The following CMSS1 variants were observed in gnomAD, a reference collection of about 807,000 sequenced individuals.
CMSS1 encodes protein CMSS1.
CMSS1 carries 33 observed loss-of-function variants against 43.5 expected under a neutral mutation model. That is an observed-to-expected ratio of 0.76 (90% CI 0.57 to 1.01). The LOEUF (loss-of-function observed/expected upper bound fraction) is 1.01. CMSS1 is among the 50% of genes least tolerant of loss of function. CMSS1 has a pLI of 0.00. For synonymous variants in CMSS1, 115 were observed against 117.2 expected, an observed-to-expected ratio of 0.98 and a Z score of 0.12; for missense variants, 313 against 326.4, an observed-to-expected ratio of 0.96 and a Z score of 0.32.
chr3:99,942,677 T>A (rs564896558), intron 1 of CMSS1, among the ~76,000 whole-genome samples: 17 of 151,806 alleles, frequency 1.1e-4, no homozygotes, highest in Non-Finnish European at 2.1e-4. Context: ...ACTAAAAATA[T>A]AACTAGCCGG....
chr3:100,058,588 T>C (rs2065505412), intron 1 of CMSS1, among the ~76,000 whole-genome samples: 2 of 152,170 alleles, frequency 1.3e-5, no homozygotes, highest in African/African-American at 2.4e-5. Context: ...ACAAATCCCC[T>C]TGGTGGACAA....
chr3:100,110,185 G>A (rs2066467132), intron 1 of CMSS1, among the ~76,000 whole-genome samples: 1 of 151,962 alleles, frequency 6.6e-6, no homozygotes. Flanking sequence ...AAAACTGGAG[G>A]GGAAAACATA....
intron 1 of CMSS1, among the ~76,000 whole-genome samples, chr3:99,837,382 C>T (rs1174894531): frequency 6.6e-6 from 1 of 150,546 alleles, no homozygotes; most frequent in Non-Finnish European, 1.5e-5. Flanking sequence ...GGCAAGAACA[C>T]CATGAAAAGG....
At chr3:100,098,213 T>TA (rs1156392379) in intron 1 of CMSS1, among the ~76,000 whole-genome samples, 5 of 152,014 alleles carry the variant, frequency 3.3e-5, no homozygotes, top group African/African-American at 1.2e-4. Flanking sequence ...TTATGACAGG[T>TA]AAAAAAACAA....
intron 1 of CMSS1, among the ~76,000 whole-genome samples, chr3:99,915,867 A>T (rs1167074987): frequency 6.6e-6 from 1 of 151,684 alleles, no homozygotes; most frequent in Non-Finnish European, 1.5e-5. Context: ...CCACTTGAAA[A>T]CTCTTATTAA....
chr3:99,944,413 C>A (rs1000129984), intron 1 of CMSS1, among the ~76,000 whole-genome samples: 1 of 152,196 alleles, frequency 6.6e-6, no homozygotes, highest in African/African-American at 2.4e-5. Flanking sequence ...GATACTCACC[C>A]AGGCTGTCAC....
At chr3:100,068,380 G>A (rs1053158984) in intron 1 of CMSS1, among the ~76,000 whole-genome samples, 1 of 140,306 alleles carries the variant, frequency 7.1e-6, no homozygotes, top group South Asian at 2.3e-4. Flanking sequence ...GTGTGTGTGT[G>A]TGTCAGAGAG....
chr3:100,053,858 G>A (rs1263489505), intron 1 of CMSS1, among the ~76,000 whole-genome samples: 1 of 152,056 alleles, frequency 6.6e-6, no homozygotes, highest in African/African-American at 2.4e-5. Context: ...CTGCCCCCTG[G>A]GGCCAGATTT....
chr3:99,970,192 G>T (rs1260951888), intron 1 of CMSS1, among the ~76,000 whole-genome samples: 1 of 152,202 alleles, frequency 6.6e-6, no homozygotes, highest in African/African-American at 2.4e-5. Flanking sequence ...TTTTGCAGCT[G>T]AGAAAGTGAA....
intron 1 of CMSS1, among the ~76,000 whole-genome samples, chr3:99,863,347 A>G (rs974335639): frequency 6.6e-6 from 1 of 152,134 alleles, no homozygotes; most frequent in African/African-American, 2.4e-5. Flanking sequence ...ACCCGGTAAT[A>G]GGCCTCAAAC....
intron 1 of CMSS1, among the ~76,000 whole-genome samples, chr3:99,948,784 AAAG>A (rs1559699983): frequency 6.6e-6 from 1 of 152,068 alleles, no homozygotes; most frequent in Non-Finnish European, 1.5e-5. Flanking sequence ...AAGAGAAAGG[AAAG>A]AAAAAGAGAA....
intron 2 of CMSS1, among the ~76,000 whole-genome samples, chr3:100,157,370 C>G (rs948655633): frequency 6.6e-6 from 1 of 152,026 alleles, no homozygotes; most frequent in Non-Finnish European, 1.5e-5. Flanking sequence ...TCTCTAGGTT[C>G]ATTTTTCTTT....
chr3:99,931,639 T>C (rs1675102905), intron 1 of CMSS1, among the ~76,000 whole-genome samples: 3 of 152,206 alleles, frequency 2.0e-5, no homozygotes, highest in Admixed American at 1.3e-4. Flanking sequence ...TATTCCTGTA[T>C]TCCTGACATT....
At chr3:99,914,764 G>A (rs1404447718) in intron 1 of CMSS1, among the ~76,000 whole-genome samples, 2 of 152,166 alleles carry the variant, frequency 1.3e-5, no homozygotes, top group African/African-American at 4.8e-5. Flanking sequence ...TGGAATGTGA[G>A]GCCATTCAGG....
At chr3:99,935,650 G>A (rs1707641380) in intron 1 of CMSS1, among the ~76,000 whole-genome samples, 1 of 152,220 alleles carries the variant, frequency 6.6e-6, no homozygotes, top group South Asian at 2.1e-4. Flanking sequence ...TGATAGCAGG[G>A]TTAGGACCTG....
At chr3:100,125,222 CT>C (rs1431947752) in intron 1 of CMSS1, among the ~76,000 whole-genome samples, 3 of 152,306 alleles carry the variant, frequency 2.0e-5, no homozygotes, top group African/African-American at 7.2e-5. Flanking sequence ...TACTCTAGTG[CT>C]TCTCATGACG....
At chr3:99,819,803 G>T (rs1285439626) in intron 1 of CMSS1, among the ~76,000 whole-genome samples, 2 of 147,656 alleles carry the variant, frequency 1.4e-5, no homozygotes, top group Non-Finnish European at 3.0e-5. Flanking sequence ...CGCCCAGGCT[G>T]GAGTGCAGTG....
chr3:100,129,565 C>T (rs1276821191), intron 1 of CMSS1, among the ~76,000 whole-genome samples: 1 of 152,162 alleles, frequency 6.6e-6, no homozygotes, highest in African/African-American at 2.4e-5. Context: ...AATATTACTG[C>T]TGATTAAGTT....
intron 1 of CMSS1, among the ~76,000 whole-genome samples, chr3:100,058,039 C>A (rs1460804751): frequency 6.6e-6 from 1 of 152,200 alleles, no homozygotes; most frequent in Admixed American, 6.5e-5. Flanking sequence ...CCACTCATGC[C>A]TCAAAGTAAT....
Sources: gnomAD v4.1 joint callset for allele counts (sites outside exome capture counted in the v4.1 genomes callset) on GRCh38, gnomAD v4.1.1 for gene constraint, MANE v1.5 for transcripts, NCBI Gene and HGNC (gene_info 2026-07-23, HGNC 2026-07-21) for gene names.